The following COL5A1 variants were observed in gnomAD, a reference collection of about 807,000 sequenced individuals.
COL5A1 encodes the protein collagen alpha-1(V) chain.
In COL5A1, 16 loss-of-function variants were observed where a neutral mutation model predicts 263.7. That is an observed-to-expected ratio of 0.06 (90% confidence interval 0.04 to 0.09). The LOEUF is 0.09. COL5A1 is among the 10% of genes least tolerant of loss of function. COL5A1 has a pLI of 1.00. For synonymous variants in COL5A1, 1,012 were observed against 1,004.5 expected, an observed-to-expected ratio of 1.01 and a Z score of -0.14; for missense variants, 2,036 against 2,540.5, an observed-to-expected ratio of 0.80 and a Z score of 4.27.
chr9:134,760,697 A>G (rs1419235786), intron 18 of COL5A1, among the ~76,000 whole-genome samples: 2 of 132,638 alleles, frequency 1.5e-5, no homozygotes, highest in East Asian at 2.6e-4. Context: ...TCATACATGC[A>G]CACACACACC....
chr9:134,697,081 A>C (rs1459267455), intron 2 of COL5A1, among the ~76,000 whole-genome samples: 1 of 151,968 alleles, frequency 6.6e-6, no homozygotes, highest in Non-Finnish European at 1.5e-5. Context: ...AAAAAAAAAA[A>C]AATGAAAAGC....
rs1839084618 is a variant in COL5A1, at chr9:134,823,031, T to A, written c.4642T>A (p.Ser1548Thr). The change falls in exon 60 of 66, where the codon TCG becomes ACG. Residue 1548 changes from serine (S) to threonine (T), a missense_variant and splice_region_variant. Transcript: ENST00000371817. The stretch of plus-strand genomic sequence containing the variant: ...TGGTCCAAAAGGTGCTAAGGGCTCC[T>A]CGGTAAGTAACATGCTGCCCAGCCA... The part of the protein sequence containing the change: ...PPGPKGAKGS[S>T]GPTGPKGEAG... 1 of 1,613,956 alleles carries A rather than the reference T, an allele frequency of 6.2e-7. No individual in the cohort carries two copies. The highest frequency in any genetic ancestry group is 1.7e-4 in the Middle Eastern group (1 of 6,060).
At chr9:134,688,261 G>A (rs1364057763) in intron 1 of COL5A1, among the ~76,000 whole-genome samples, 1 of 152,168 alleles carries the variant, frequency 6.6e-6, no homozygotes, top group Non-Finnish European at 1.5e-5. Flanking sequence ...GCCTGAGTCT[G>A]GGAAGAGCAT....
chr9:134,830,774 A>T (rs1369655310), intron 64 of COL5A1, among the ~76,000 whole-genome samples: 1 of 152,208 alleles, frequency 6.6e-6, no homozygotes, highest in African/African-American at 2.4e-5. Flanking sequence ...CCAGGAAAGA[A>T]CCACATAGGA....
Position 134,652,791 on chromosome 9 carries a change from G to C in COL5A1, c.109+10495G>C, listed in dbSNP as rs921850520. On this transcript the variant is annotated intron_variant, in intron 1 of 65. Coordinates refer to ENST00000371817, the MANE Select transcript of COL5A1 (RefSeq NM_000093.5). This position sits in a 1 kb window ranked among gnomAD's most constrained non-coding sequence, Gnocchi z 4.4. ...GTCCAGCGTTTCTCCTCATGGTGTA[G>C]ACCAGCAGTTCCCAAACTTTACCAG... is the stretch of plus-strand genomic sequence containing the variant. The C allele has an allele frequency of 2.8e-5, 13 of 464,620 alleles. No homozygotes were observed. The highest frequency in any genetic ancestry group is 2.6e-4 in the African/African-American group (13 of 49,810). 28.8% of individuals were successfully genotyped at this position (464,620 alleles called of 1,614,324 possible).
In COL5A1 at chr9:134,763,716, C is replaced by T. The variant is rs372082908; in HGVS notation, c.2013C>T (p.Pro671=). 7.7e-5 allele frequency: 125 copies of T among 1,613,586 alleles called. No homozygotes were observed. The highest frequency in any genetic ancestry group is 1.0e-4 in the Non-Finnish European group (120 of 1,179,838). The part of the protein sequence containing the change: ...GERGDDGEVG[P]RGLPGEPGPR... ...AGGGTGACGACGGAGAAGTTGGGCC[C>T]AGGGGGCTGCCTGGGGAGCCCGTAA... is the stretch of plus-strand genomic sequence containing the variant. Residue 671 remains proline, a synonymous_variant, in exon 20 of 66, where the codon CCC becomes CCT. Transcript: ENST00000371817.
chr9:134,828,853 C>T (rs969822057), intron 63 of COL5A1, among the ~76,000 whole-genome samples: 3 of 150,794 alleles, frequency 2.0e-5, no homozygotes, highest in Non-Finnish European at 3.0e-5. Context: ...ACCCATAACA[C>T]ACTACACACA....
At chr9:134,719,057 G>T (rs953177236) in intron 4 of COL5A1, among the ~76,000 whole-genome samples, 2 of 152,168 alleles carry the variant, frequency 1.3e-5, no homozygotes, top group African/African-American at 4.8e-5. Context: ...ACGTTGGAGC[G>T]GGGAAGTGGG....
At chr9:134,687,698 T>A (rs755839519) in intron 1 of COL5A1, among the ~76,000 whole-genome samples, 1 of 152,186 alleles carries the variant, frequency 6.6e-6, no homozygotes. Context: ...ACACGCGTGA[T>A]GCCATCTCGT....
At chr9:134,733,520 G>C (rs1027689801) in intron 9 of COL5A1, among the ~76,000 whole-genome samples, 1 of 152,204 alleles carries the variant, frequency 6.6e-6, no homozygotes, top group Admixed American at 6.5e-5. Context: ...GTCCAGGGAA[G>C]ACAGAGCTTG....
chr9:134,783,389 C>T (rs1022895164), intron 29 of COL5A1, among the ~76,000 whole-genome samples: 2 of 152,172 alleles, frequency 1.3e-5, no homozygotes, highest in Admixed American at 6.5e-5. Flanking sequence ...ACGGGCTGCA[C>T]GTTCCTGTAA....
Position 134,842,178 on chromosome 9 carries a change from A to T in COL5A1, c.5392A>T (p.Thr1798Ser). 1 of 1,613,870 alleles carries T rather than the reference A, an allele frequency of 6.2e-7. No individual in the cohort carries two copies. The highest frequency in any genetic ancestry group is 8.5e-7 in the Non-Finnish European group (1 of 1,179,958). Residue 1798 changes from threonine to serine, a missense_variant, in exon 66 of 66, where the codon ACG becomes TCG. Transcript: ENST00000371817. The surrounding 1 kb of genome is among the most constrained non-coding windows in gnomAD (Gnocchi z 5.8). ...CCAGACCAAGAAAGGCTACCAGAAG[A>T]CGGTTCTGGAGATCGACACCCCCAA... ...GCATKKGYQK[T>S]VLEIDTPKVE...
chr9:134,713,587 G>C (rs909978206), intron 4 of COL5A1, among the ~76,000 whole-genome samples: 79 of 152,242 alleles, frequency 5.2e-4, no homozygotes, highest in African/African-American at 1.9e-3. Flanking sequence ...GTGAGCTTCT[G>C]CACTTGGGTT....
Position 134,818,622 on chromosome 9 carries a change from T to G in COL5A1, c.4231-34T>G, listed in dbSNP as rs1838860671. The G allele has an allele frequency of 3.9e-6, 6 of 1,535,100 alleles. No individual in the cohort carries two copies. The highest frequency in any genetic ancestry group is 1.4e-5 in the African/African-American group (1 of 73,308). ...GGCCAGGGTGCCTGGAGCCTAGAGCTCCGGACCTCATTCTGCCCTCCGCCG... is the reference window on the plus strand; with the variant it reads ...GGCCAGGGTGCCTGGAGCCTAGAGCGCCGGACCTCATTCTGCCCTCCGCCG... On this transcript the variant is annotated intron_variant, in intron 54 of 65. Transcript: ENST00000371817. This position sits in a 1 kb window ranked among gnomAD's most constrained non-coding sequence, Gnocchi z 6.0.
chr9:134,816,027 T>C, intron 52 of COL5A1, 39 bp downstream of exon 52: 1 of 1,603,688 alleles, frequency 6.2e-7, no homozygotes, highest in Non-Finnish European at 8.5e-7. Context: ...GGTGGAGGTG[T>C]CAGTGTATTC....
At chr9:134,679,287 C>T (rs1235923556) in intron 1 of COL5A1, among the ~76,000 whole-genome samples, 6 of 87,312 alleles carry the variant, frequency 6.9e-5, no homozygotes, top group Non-Finnish European at 9.4e-5. Flanking sequence ...GGGGCACTGC[C>T]GGGCTGGTTG....
intron 28 of COL5A1, among the ~76,000 whole-genome samples, chr9:134,781,695 G>A (rs1008232651): frequency 2.6e-5 from 4 of 152,216 alleles, no homozygotes; most frequent in African/African-American, 9.7e-5. Context: ...GAGTGGGGCA[G>A]TGCCAAGGGA....
chr9:134,823,033 G>A lies in COL5A1; in HGVS notation c.4644G>A (p.Ser1548=), dbSNP rs1232734640. ...GTCCAAAAGGTGCTAAGGGCTCCTC[G>A]GTAAGTAACATGCTGCCCAGCCAGG... is the stretch of plus-strand genomic sequence containing the variant. ...PPGPKGAKGS[S]GPTGPKGEAG... The change falls in exon 60 of 66, where the codon TCG becomes TCA. Residue 1548 remains serine (S), a splice_region_variant and synonymous_variant. Coordinates refer to ENST00000371817, the MANE Select transcript of COL5A1 (RefSeq NM_000093.5). 5.0e-6 allele frequency: 8 copies of A among 1,613,964 alleles called. No individual in the cohort carries two copies. The Admixed American group carries it at 5.0e-5, about 10-fold the overall frequency.
Position 134,757,210 on chromosome 9 carries a change from T to C in COL5A1, c.1881+392T>C, listed in dbSNP as rs1474700847. Among the ~76,000 whole-genome samples, 2 of 152,078 alleles carry C rather than the reference T, an allele frequency of 1.3e-5. No individual in the cohort carries two copies. Among genetic ancestry groups the C allele is most frequent in the East Asian group, 3.9e-4 (2 of 5,168 alleles). On this transcript the variant is annotated intron_variant, in intron 17 of 65. Transcript: ENST00000371817. The surrounding 1 kb of genome is among the most constrained non-coding windows in gnomAD (Gnocchi z 6.2). ...TGTGGAGGTGAGTAGATGTTGCCCG[T>C]GGCTAAAGGCAGGGCTGTGTGTGTG...
Sources: allele counts gnomAD v4.1 joint callset (sites outside exome capture counted in the v4.1 genomes callset), GRCh38; gene constraint gnomAD v4.1.1; non-coding constraint Gnocchi (gnomAD v3.1); transcripts MANE v1.5; gene names NCBI Gene and HGNC (gene_info 2026-07-23, HGNC 2026-07-21).